The following PDE4D variants were observed in gnomAD, a reference collection of about 807,000 sequenced individuals.
The protein encoded by PDE4D is phosphodiesterase 4D, also known as 3',5'-cyclic-AMP phosphodiesterase 4D.
PDE4D carries 24 observed loss-of-function variants against 87.4 expected under a neutral mutation model. The ratio of observed to expected loss-of-function variants is 0.27; its 90% confidence interval spans 0.20 to 0.39. The LOEUF is 0.39. Among genes scored for constraint, PDE4D ranks in the 10% least tolerant of loss-of-function variants. PDE4D has a pLI of 1.00. For synonymous variants in PDE4D, 384 were observed against 383.2 expected (o/e 1.00, Z -0.02); for missense variants, 714 against 1,041.0 (o/e 0.69, Z 4.32).
chr5:60,157,939 C>A (rs1486243197), intron 2 of PDE4D, among the ~76,000 whole-genome samples: 1 of 146,680 alleles, frequency 6.8e-6, no homozygotes, highest in Non-Finnish European at 1.5e-5. Context: ...TCTTTCTCAC[C>A]CTCTTCGTCT....
chr5:59,383,512 A>C (rs559426884), intron 1 of PDE4D, among the ~76,000 whole-genome samples: 1 of 152,118 alleles, frequency 6.6e-6, no homozygotes, highest in African/African-American at 2.4e-5. Context: ...CCTAGCACTG[A>C]GAGCCTTCTA....
intron 1 of PDE4D, among the ~76,000 whole-genome samples, chr5:59,691,718 A>AT (rs1473040655): frequency 3.0e-5 from 2 of 66,368 alleles, no homozygotes; most frequent in African/African-American, 1.2e-4. Context: ...TTAAAGTATA[A>AT]TAAAAAAAAA....
chr5:59,660,583 T>A (rs1322614087), intron 1 of PDE4D, among the ~76,000 whole-genome samples: 1 of 152,140 alleles, frequency 6.6e-6, no homozygotes, highest in African/African-American at 2.4e-5. Context: ...TTTTAAAGAG[T>A]TAGTTCTGAC....
In PDE4D at chr5:59,219,336, C is replaced by T. The variant is rs141820292; in HGVS notation, c.456-3368G>A. Among the ~76,000 whole-genome samples, 282 of 151,998 alleles carry T rather than the reference C, an allele frequency of 1.9e-3. 1 individual carries two copies. The highest frequency in any genetic ancestry group is 5.3e-3 in the African/African-American group (219 of 41,468). On this transcript the variant is annotated intron_variant, in intron 1 of 14. Transcript: ENST00000340635. ...GGGGTTTCACTCTAAATTTTGGCAC[C>T]ACAAGTATTCTCAGAATACGGTTTG...
chr5:60,070,864 A>G (rs932141206), intron 2 of PDE4D, among the ~76,000 whole-genome samples: 3 of 151,988 alleles, frequency 2.0e-5, no homozygotes, highest in Admixed American at 1.3e-4. Context: ...TATACTAGTT[A>G]TAGGTCTGTT....
intron 1 of PDE4D, among the ~76,000 whole-genome samples, chr5:60,403,695 A>G (rs556421385): frequency 6.6e-6 from 1 of 152,332 alleles, no homozygotes; most frequent in East Asian, 1.9e-4. Context: ...GAAGTTTAGT[A>G]AGTAACACAG....
At chr5:60,028,108 G>A (rs1458631641) in intron 2 of PDE4D, among the ~76,000 whole-genome samples, 1 of 152,004 alleles carries the variant, frequency 6.6e-6, no homozygotes, top group African/African-American at 2.4e-5. Context: ...AGACAACATA[G>A]ACTCTATTTG....
chr5:60,242,038 T>G (rs904421020), intron 1 of PDE4D, among the ~76,000 whole-genome samples: 2 of 152,102 alleles, frequency 1.3e-5, no homozygotes, highest in African/African-American at 2.4e-5. Context: ...ACTTTTACCC[T>G]AGAATAGTAT....
intron 1 of PDE4D, among the ~76,000 whole-genome samples, chr5:59,372,780 A>G (rs966845300): frequency 3.3e-5 from 5 of 152,170 alleles, no homozygotes; most frequent in Non-Finnish European, 7.4e-5. Flanking sequence ...CACACCCACT[A>G]GCACTTCACT....
At chr5:59,842,236 G>A (rs1743130134) in intron 1 of PDE4D, among the ~76,000 whole-genome samples, 1 of 151,946 alleles carries the variant, frequency 6.6e-6, no homozygotes, top group Non-Finnish European at 1.5e-5. Flanking sequence ...TGTTAAGAAG[G>A]CAGAAGTGAA....
In PDE4D at chr5:59,071,980, C is replaced by T. The variant is rs146788119; in HGVS notation, c.809-33009G>A. Among the ~76,000 whole-genome samples the T allele has an allele frequency of 1.9e-3, 284 of 152,244 alleles. No individual in the cohort carries two copies. The Middle Eastern group carries it at 0.02, about 11-fold the overall frequency. ...TTGGGATTACAGGCGTGAGCCACCGCGCCCGGCCAACATCTGTACTTTGAA... is the reference window on the plus strand; with the variant it reads ...TTGGGATTACAGGCGTGAGCCACCGTGCCCGGCCAACATCTGTACTTTGAA... On this transcript the variant is annotated intron_variant, in intron 5 of 14. Transcript: ENST00000340635.
chr5:59,796,709 CTTATT>C (rs1244884651), intron 1 of PDE4D, among the ~76,000 whole-genome samples: 2 of 152,202 alleles, frequency 1.3e-5, no homozygotes, highest in African/African-American at 4.8e-5. Flanking sequence ...TTAGATGACA[CTTATT>C]TTAAGTTTTC....
intron 1 of PDE4D, among the ~76,000 whole-genome samples, chr5:60,451,715 C>T (rs182470402): frequency 6.6e-6 from 1 of 152,120 alleles, no homozygotes; most frequent in African/African-American, 2.4e-5. Flanking sequence ...AGAAGAATTC[C>T]CTTTTATCCC....
At chr5:60,040,565 T>C (rs1768361985) in intron 2 of PDE4D, among the ~76,000 whole-genome samples, 1 of 152,188 alleles carries the variant, frequency 6.6e-6, no homozygotes, top group African/African-American at 2.4e-5. Context: ...CAGAAATGCA[T>C]ACTTCATGGA....
chr5:59,691,317 A>G (rs1440007462), intron 1 of PDE4D, among the ~76,000 whole-genome samples: 1 of 152,152 alleles, frequency 6.6e-6, no homozygotes, highest in East Asian at 1.9e-4. Flanking sequence ...CTTGGAACCA[A>G]CCCAAATGTC....
intron 5 of PDE4D, among the ~76,000 whole-genome samples, chr5:59,101,837 T>A (rs190602265): frequency 2.0e-4 from 30 of 152,250 alleles, no homozygotes; most frequent in African/African-American, 7.0e-4. Context: ...ATAAGATATT[T>A]CAATTAGACG....
chr5:59,906,411 TG>T (rs1380129340), intron 3 of PDE4D, among the ~76,000 whole-genome samples: 8 of 152,124 alleles, frequency 5.3e-5, no homozygotes, highest in African/African-American at 1.9e-4. Flanking sequence ...TAGCACATAC[TG>T]CAATGAAACA....
intron 1 of PDE4D, among the ~76,000 whole-genome samples, chr5:60,355,636 A>G (rs1407966479): frequency 6.6e-6 from 1 of 152,128 alleles, no homozygotes; most frequent in East Asian, 1.9e-4. Context: ...CTTAACTACT[A>G]ATAGGCTACT....
At chr5:60,295,966 T>C (rs141376638) in intron 1 of PDE4D, among the ~76,000 whole-genome samples, 132 of 152,320 alleles carry the variant, frequency 8.7e-4, no homozygotes, top group African/African-American at 3.0e-3. Context: ...GAGAATTTGA[T>C]GTCTAATAAG....
Sources: gnomAD v4.1 joint callset for allele counts (sites outside exome capture counted in the v4.1 genomes callset) on GRCh38, gnomAD v4.1.1 for gene constraint, MANE v1.5 for transcripts, NCBI Gene and HGNC (gene_info 2026-07-23, HGNC 2026-07-21) for gene names.